The following MPV17L variants were observed in gnomAD, a reference collection of about 807,000 sequenced individuals.
MPV17L encodes the protein MPV17 mitochondrial inner membrane protein like.
Under a neutral mutation model 25.8 loss-of-function variants are expected in MPV17L, and 24 were observed. The observed-to-expected ratio is 0.93, with a 90% CI of 0.67 to 1.31. The LOEUF is 1.31. Ranked by LOEUF, MPV17L falls within the 50% of genes most tolerant of loss-of-function variation. The probability of loss-of-function intolerance (pLI) is 0.00; values close to 1 mark genes in which losing one functional copy is unlikely to be tolerated. For synonymous variants in MPV17L, 102 were observed against 115.3 expected (o/e 0.88, Z 0.74); for missense variants, 250 against 265.6 (o/e 0.94, Z 0.41).
In MPV17L at chr16:15,401,058, G is replaced by GTATATATATATATA. The variant is rs548012835; in HGVS notation, c.381+217_381+230dup. 1.5e-3 allele frequency among the ~76,000 whole-genome samples: 65 copies of GTATATATATATATA among 44,240 alleles called. 3 individuals are homozygous for GTATATATATATATA. Among genetic ancestry groups the GTATATATATATATA allele is most frequent in the South Asian group, 3.5e-3 (3 of 862 alleles). 29.0% of individuals were successfully genotyped at this position (44,240 alleles called of 152,430 possible). A position where few individuals can be genotyped will look rare whatever the true frequency, so the allele number is the denominator to read the frequency against. ...TCAGGATTTTTTTGTATGTGTGTGT[G>GTATATATATATATA]TATATATATATATATATATATATAT... On this transcript the variant is annotated intron_variant, in intron 2 of 3. Coordinates refer to ENST00000396385, the MANE Select transcript of MPV17L (RefSeq NM_001128423.2).
chr16:15,396,244 A>G (rs1279870054), intron 1 of MPV17L, 37 bp downstream of exon 1: 3 of 1,540,556 alleles, frequency 1.9e-6, no homozygotes, highest in African/African-American at 1.4e-5. Context: ...GGTGGGACCC[A>G]GTATTGGGGG....
Position 15,407,823 on chromosome 16 carries a change from G to A in MPV17L, c.382-1G>A. 1 of 1,606,040 alleles carries A rather than the reference G, an allele frequency of 6.2e-7. No individual in the cohort carries two copies. Among genetic ancestry groups the A allele is most frequent in the South Asian group, 1.1e-5 (1 of 88,936 alleles). Reference sequence around the variant, plus strand: ...TTGCTTTTTTTTTTTCCCAATTCCAGAGTGGACTGATGTACTGGCCCTTTG... The same window carrying A: ...TTGCTTTTTTTTTTTCCCAATTCCAAAGTGGACTGATGTACTGGCCCTTTG... On this transcript the variant is annotated splice_acceptor_variant, in intron 2 of 3. Coordinates refer to ENST00000396385, the MANE Select transcript of MPV17L (RefSeq NM_001128423.2). LOFTEE classifies it high-confidence loss of function.
At chr16:15,399,975 T>C (rs147026245) in intron 1 of MPV17L, among the ~76,000 whole-genome samples, 384 of 152,250 alleles carry the variant, frequency 2.5e-3, no homozygotes, top group Admixed American at 4.6e-3. Flanking sequence ...TGGCTAATTT[T>C]GTATTTTTAG....
At chr16:15,400,501 AC>A (rs2050624263) in intron 1 of MPV17L, among the ~76,000 whole-genome samples, 1 of 151,546 alleles carries the variant, frequency 6.6e-6, no homozygotes, top group South Asian at 2.1e-4. Flanking sequence ...CAGGCACGCT[AC>A]TACACCTGGC....
At position 15,408,090 on chromosome 16, in the gene MPV17L, C is replaced by T. The variant is rs1167591968; in HGVS notation, c.569C>T (p.Thr190Ile). The T allele has an allele frequency of 6.2e-7, 1 of 1,604,866 alleles. No individual in the cohort carries two copies. Among genetic ancestry groups the T allele is most frequent in the South Asian group, 1.1e-5 (1 of 89,932 alleles). The change falls in exon 4 of 4, where the codon ACA becomes ATA. Residue 190 changes from threonine to isoleucine, a missense_variant. Transcript: ENST00000396385. ...TILYTKGTSA[T>I]EGYPKK ...TTATATACAAAGGGGACCAGTGCCA[C>T]AGAAGGGTACCCGAAGAAATGAGAA...
In MPV17L at chr16:15,398,283, A is replaced by G. The variant is rs116856705; in HGVS notation, c.310+2076A>G. Among the ~76,000 whole-genome samples the G allele has an allele frequency of 2.7e-3, 404 of 152,036 alleles. 6 individuals carry two copies. In the East Asian group the frequency reaches 0.052, roughly 20 times the overall value. ...GGTCTCGAACTCCTGACCTCAAGTG[A>G]TCTGCCCATTTGGCCTCCCAAAGTG... On this transcript the variant is annotated intron_variant, in intron 1 of 3. Transcript: ENST00000396385.
Position 15,408,896 on chromosome 16 carries a change from G to T in MPV17L, c.*784G>T. The T allele has an allele frequency of 6.7e-6, 1 of 149,636 alleles. No individual in the cohort carries two copies. The highest frequency in any genetic ancestry group is 2.1e-4 in the South Asian group (1 of 4,718). The allele number at this position is 149,636 out of a possible 1,614,324, so 9.3% of individuals were successfully genotyped here. ...GCCTCCCGGGTTCACGCCATTCTGC[G>T]TCAGCCTCCCAAGTAGCTGGGACTA... On this transcript the variant is annotated 3_prime_UTR_variant, in exon 4 of 4. Transcript: ENST00000396385.
Position 15,396,121 on chromosome 16 carries a change from C to T in MPV17L, c.224C>T (p.Pro75Leu), listed in dbSNP as rs1390336759. ...VWLRLLERALPGRAPHALLAK... is the reference protein window; with the variant it reads ...VWLRLLERALLGRAPHALLAK... ...CTGCGCCTGCTGGAGCGCGCGCTCC[C>T]GGGCCGAGCGCCGCACGCCCTGCTG... is the stretch of plus-strand genomic sequence containing the variant. Residue 75 changes from proline to leucine, a missense_variant, in exon 1 of 4, where the codon CCG becomes CTG. Physicochemically the swap from Pro to Leu is moderately conservative, Grantham distance 98. Coordinates refer to ENST00000396385, the MANE Select transcript of MPV17L (RefSeq NM_001128423.2). 3 of 1,546,226 alleles carry T rather than the reference C, an allele frequency of 1.9e-6. No homozygotes were observed. Among genetic ancestry groups the T allele is most frequent in the East Asian group, 2.4e-5 (1 of 40,966 alleles).
At position 15,410,300 on chromosome 16, in the gene MPV17L, G is replaced by A. The variant is rs2050722264; in HGVS notation, c.*2188G>A. 6.6e-6 allele frequency: 1 copy of A among 152,048 alleles called. No individual in the cohort carries two copies. Among genetic ancestry groups the A allele is most frequent in the African/African-American group, 2.4e-5 (1 of 41,394 alleles). The allele number at this position is 152,048 out of a possible 1,614,324, so 9.4% of individuals were successfully genotyped here. ...GATCCCATCTCTATTTTAAAGAAAA[G>A]TTTCACTTTGGGAGGCCAAGGCGGT... On this transcript the variant is annotated 3_prime_UTR_variant, in exon 4 of 4. Transcript: ENST00000396385.
rs1202289451 is a variant in MPV17L, at chr16:15,396,254, G to A, written c.310+47G>A. 4 of 1,531,410 alleles carry A rather than the reference G, an allele frequency of 2.6e-6. No homozygotes were observed. In the Admixed American group the frequency reaches 6.0e-5, roughly 23 times the overall value. 94.9% of individuals were successfully genotyped at this position (1,531,410 alleles called of 1,614,324 possible). A position where few individuals can be genotyped will look rare whatever the true frequency, so the allele number is the denominator to read the frequency against. Reference sequence around the variant, plus strand: ...TGGGGGGTGGGACCCAGTATTGGGGGACTGGAGGCTGGGACTCGGGGATCA... The same window carrying A: ...TGGGGGGTGGGACCCAGTATTGGGGAACTGGAGGCTGGGACTCGGGGATCA... On this transcript the variant is annotated intron_variant, in intron 1 of 3. Coordinates refer to ENST00000396385, the MANE Select transcript of MPV17L (RefSeq NM_001128423.2).
Position 15,395,774 on chromosome 16 carries a change from A to AG in MPV17L, c.-119dup, listed in dbSNP as rs2050571769. ...CGCTCAATCGCTCCGGAGCTTCTGG[A>AG]GGGGGCAGATGCAGGTGCCGGCTGC... On this transcript the variant is annotated 5_prime_UTR_variant, in exon 1 of 4. Coordinates refer to ENST00000396385, the MANE Select transcript of MPV17L (RefSeq NM_001128423.2). The AG allele has an allele frequency of 7.8e-6, 7 of 894,986 alleles. No homozygotes were observed. The highest frequency in any genetic ancestry group is 1.1e-5 in the Non-Finnish European group (7 of 648,842). 55.4% of individuals were successfully genotyped at this position (894,986 alleles called of 1,614,324 possible). A position where few individuals can be genotyped will look rare whatever the true frequency, so the allele number is the denominator to read the frequency against.
In MPV17L at chr16:15,396,020, C is replaced by T. The variant is rs891777693; in HGVS notation, c.123C>T (p.Arg41=). Residue 41 remains arginine (R), a synonymous_variant, in exon 1 of 4, where the codon CGC becomes CGT. Transcript: ENST00000396385. The part of the protein sequence containing the change: ...GDALQQRLQG[R]EANWRQTRRV... ...CGCTGCAACAGCGGCTGCAGGGCCG[C>T]GAGGCCAACTGGCGCCAGACGCGGC... 6 of 1,528,206 alleles carry T rather than the reference C, an allele frequency of 3.9e-6. No homozygotes were observed. The highest frequency in any genetic ancestry group is 5.2e-6 in the Non-Finnish European group (6 of 1,143,134). The allele number at this position is 1,528,206 out of a possible 1,614,324, so 94.7% of individuals were successfully genotyped here.
chr16:15,395,794 G>T lies in MPV17L; in HGVS notation c.-104G>T. The T allele has an allele frequency of 9.6e-7, 1 of 1,047,064 alleles. No individual in the cohort carries two copies. Among genetic ancestry groups the T allele is most frequent in the South Asian group, 2.2e-5 (1 of 45,184 alleles). The allele number at this position is 1,047,064 out of a possible 1,614,324, so 64.9% of individuals were successfully genotyped here. A position where few individuals can be genotyped will look rare whatever the true frequency, so the allele number is the denominator to read the frequency against. On this transcript the variant is annotated 5_prime_UTR_variant, in exon 1 of 4. Transcript: ENST00000396385. ...TCTGGAGGGGGCAGATGCAGGTGCC[G>T]GCTGCTGCAGTGCAGTAGCTGCTGG... is the stretch of plus-strand genomic sequence containing the variant.
intron 2 of MPV17L, among the ~76,000 whole-genome samples, chr16:15,403,943 G>A (rs1305190529): frequency 6.6e-6 from 1 of 151,598 alleles, no homozygotes; most frequent in African/African-American, 2.4e-5. Flanking sequence ...CAAGGCAGGC[G>A]GATCATGAGG....
rs1257903499 is a variant in MPV17L, at chr16:15,409,888, A to C, written c.*1776A>C. On this transcript the variant is annotated 3_prime_UTR_variant, in exon 4 of 4. Coordinates refer to ENST00000396385, the MANE Select transcript of MPV17L (RefSeq NM_001128423.2). ...ATTCTGTGTAGAATGTATTTTATTG[A>C]TGTCTTCTATTTTTATAATTTTTAA... The C allele has an allele frequency of 6.6e-6, 1 of 152,120 alleles. No individual in the cohort carries two copies. The highest frequency in any genetic ancestry group is 1.5e-5 in the Non-Finnish European group (1 of 68,034). The allele number at this position is 152,120 out of a possible 1,614,324, so 9.4% of individuals were successfully genotyped here.
rs1461291365 is a variant in MPV17L, at chr16:15,395,931, G to T, written c.34G>T (p.Ala12Ser). The T allele has an allele frequency of 6.9e-7, 1 of 1,457,628 alleles. No individual in the cohort carries two copies. Among genetic ancestry groups the T allele is most frequent in the South Asian group, 1.4e-5 (1 of 72,958 alleles). The allele number at this position is 1,457,628 out of a possible 1,614,324, so 90.3% of individuals were successfully genotyped here. A position where few individuals can be genotyped will look rare whatever the true frequency, so the allele number is the denominator to read the frequency against. The change falls in exon 1 of 4, where the codon GCC (alanine) becomes TCC (serine). Residue 12 changes from alanine to serine, a missense_variant. Coordinates refer to ENST00000396385, the MANE Select transcript of MPV17L (RefSeq NM_001128423.2). ...CTGGTGGCCGGCGTTGTCGCGCGCGGCCCGGCGCCACCCGTGGCCCACCAA... is the reference window on the plus strand; with the variant it reads ...CTGGTGGCCGGCGTTGTCGCGCGCGTCCCGGCGCCACCCGTGGCCCACCAA... Reference protein sequence around the residue: ...AGWWPALSRAARRHPWPTNVL... With the variant: ...AGWWPALSRASRRHPWPTNVL...
chr16:15,408,245 T>A lies in MPV17L; in HGVS notation c.*133T>A. The A allele has an allele frequency of 4.8e-6, 3 of 628,508 alleles. No homozygotes were observed. The allele number at this position is 628,508 out of a possible 1,614,324, so 38.9% of individuals were successfully genotyped here. On this transcript the variant is annotated 3_prime_UTR_variant, in exon 4 of 4. Coordinates refer to ENST00000396385, the MANE Select transcript of MPV17L (RefSeq NM_001128423.2). ...TACTACTATTTATAGACCCACTTTTTAAAAAATTATCAATGATTATTTTTG... is the reference window on the plus strand; with the variant it reads ...TACTACTATTTATAGACCCACTTTTAAAAAAATTATCAATGATTATTTTTG...
chr16:15,401,080 A>ATT (rs1478719757), intron 2 of MPV17L, among the ~76,000 whole-genome samples: 1,177 of 32,682 alleles, frequency 0.036, 19 homozygotes, highest in East Asian at 0.1. Flanking sequence ...ATATATATAT[A>ATT]TATATATTTT....
rs1468246011 is a variant in MPV17L at position 15,401,075 on chromosome 16, TATATA to T, written c.381+219_381+223del. Reference sequence around the variant, plus strand: ...GTGTGTGTGTATATATATATATATATATATATATATATTTTTTTTTTTTTTTTTTT... The same window carrying T: ...GTGTGTGTGTATATATATATATATATTATATATTTTTTTTTTTTTTTTTTT... On this transcript the variant is annotated intron_variant, in intron 2 of 3. Transcript: ENST00000396385. Among the ~76,000 whole-genome samples the T allele has an allele frequency of 4.8e-3, 167 of 34,772 alleles. 2 individuals carry two copies. The highest frequency in any genetic ancestry group is 0.012 in the East Asian group (14 of 1,146). 22.8% of individuals were successfully genotyped at this position (34,772 alleles called of 152,430 possible).
Sources: gnomAD v4.1 joint callset for allele counts (sites outside exome capture counted in the v4.1 genomes callset) on GRCh38, gnomAD v4.1.1 for gene constraint, MANE v1.5 for transcripts, NCBI Gene and HGNC (gene_info 2026-07-23, HGNC 2026-07-21) for gene names.